The following NIPAL3 variants were observed in gnomAD, a reference collection of about 807,000 sequenced individuals.
The protein encoded by NIPAL3 is NIPA-like protein 3.
A neutral mutation model predicts 47.2 loss-of-function variants in NIPAL3; 41 were observed. The ratio of observed to expected loss-of-function variants is 0.87; its 90% CI spans 0.68 to 1.13. The LOEUF is 1.13. Ranked by LOEUF, NIPAL3 falls within the 50% of genes most tolerant of loss-of-function variation. The pLI, the probability that NIPAL3 is intolerant of heterozygous loss-of-function variation, is 0.00. For synonymous variants in NIPAL3, 194 were observed against 209.6 expected, an observed-to-expected ratio of 0.93 and a Z score of 0.64; for missense variants, 449 against 530.1, an observed-to-expected ratio of 0.85 and a Z score of 1.50.
chr1:24,457,813 A>G (rs898363277), intron 8 of NIPAL3: 1 of 533,244 alleles, frequency 1.9e-6, no homozygotes, highest in African/African-American at 1.9e-5. Flanking sequence ...TCTTATGAGA[A>G]TGTCTCTAGG....
rs1185110305 is a variant in NIPAL3 at position 24,445,190 on chromosome 1, G to A, written c.340G>A (p.Ala114Thr). ...CTTTGTGCTTCATTTTTCAGCTAGT[G>A]CCATCATAGGAATCATATTCATCAA... ...PLSAVSVIAS[A>T]IIGIIFIKEK... is the part of the protein sequence containing the mutation. The change falls in exon 5 of 12, where the codon GCC becomes ACC. Residue 114 changes from alanine (A) to threonine (T), a missense_variant. Transcript: ENST00000374399. 1.9e-6 allele frequency: 3 copies of A among 1,610,266 alleles called. No homozygotes were observed. Among genetic ancestry groups the A allele is most frequent in the Non-Finnish European group, 2.5e-6 (3 of 1,176,702 alleles).
At position 24,442,134 on chromosome 1, in the gene NIPAL3, TC is replaced by T. The variant is rs776027743; in HGVS notation, c.244del (p.Leu82Ter). On this transcript the variant is annotated frameshift_variant, in exon 4 of 12. Transcript: ENST00000374399. LOFTEE classifies it high-confidence loss of function. ...ACCAAGACATGGTGGCTGGGCCTGT[TC>T]CTGATGCTTCTGGGCGAGCTGGGTG... Reference protein sequence around the residue: ...FKTKTWWLGLFLMLLGELGVF... With the variant: ...FKTKTWWLGLXLMLLGELGVF... The T allele has an allele frequency of 6.2e-7, 1 of 1,614,238 alleles. No homozygotes were observed. The highest frequency in any genetic ancestry group is 8.5e-7 in the Non-Finnish European group (1 of 1,180,032).
At chr1:24,468,915 G>T in intron 11 of NIPAL3, 71 bp from the exon 12 acceptor site, 2 of 1,376,430 alleles carry the variant, frequency 1.5e-6, no homozygotes, top group Non-Finnish European at 2.1e-6. Flanking sequence ...TCTGTGGCGG[G>T]ATAGAGGGAG....
At chr1:24,460,413 C>T (rs1646415038) in intron 9 of NIPAL3, 68 bp from the exon 10 acceptor site, 6 of 1,333,378 alleles carry the variant, frequency 4.5e-6, no homozygotes, top group Non-Finnish European at 6.3e-6. Flanking sequence ...TAGCCAAATC[C>T]TAGACAGACT....
rs59007633 is a variant in NIPAL3, at chr1:24,465,425, G to GTATATATA, written c.1021+1316_1021+1323dup. ...TATATCAATATCAGTATTTGTGTGT[G>GTATATATA]TATATATATATATATATAGATGTAT... is the stretch of plus-strand genomic sequence containing the variant. On this transcript the variant is annotated intron_variant, in intron 11 of 11. Coordinates refer to ENST00000374399, the MANE Select transcript of NIPAL3 (RefSeq NM_020448.5). 440 of 149,252 alleles carry GTATATATA rather than the reference G, an allele frequency of 2.9e-3. 2 individuals are homozygous for GTATATATA. The highest frequency in any genetic ancestry group is 8.6e-3 in the African/African-American group (350 of 40,918). The allele number at this position is 149,252 out of a possible 1,614,324, so 9.2% of individuals were successfully genotyped here. A position where few individuals can be genotyped will look rare whatever the true frequency, so the allele number is the denominator to read the frequency against.
chr1:24,456,381 A>T, intron 8 of NIPAL3, 108 bp downstream of exon 8: 1 of 1,451,066 alleles, frequency 6.9e-7, no homozygotes, highest in Non-Finnish European at 9.5e-7. Context: ...AACATGCCCC[A>T]GGGCCTGGCA....
At chr1:24,466,612 A>G (rs1381370235) in intron 11 of NIPAL3, among the ~76,000 whole-genome samples, 1 of 152,084 alleles carries the variant, frequency 6.6e-6, no homozygotes, top group Non-Finnish European at 1.5e-5. Context: ...CAACCCCACA[A>G]TAACTCCTTT....
Position 24,470,752 on chromosome 1 carries a change from G to A in NIPAL3, c.*1567G>A, listed in dbSNP as rs1646875211. The A allele has an allele frequency of 6.6e-6, 1 of 152,142 alleles. No individual in the cohort carries two copies. The highest frequency in any genetic ancestry group is 2.4e-5 in the African/African-American group (1 of 41,436). 9.4% of individuals were successfully genotyped at this position (152,142 alleles called of 1,614,324 possible). On this transcript the variant is annotated 3_prime_UTR_variant, in exon 12 of 12. Transcript: ENST00000374399. ...GTGCTTAATACTGATTTAGTATCTT[G>A]ACTCCAAAAACTGACATCTGTTGTC...
In NIPAL3 at chr1:24,469,276, T is replaced by C. The variant is rs1357029660; in HGVS notation, c.*91T>C. The C allele has an allele frequency of 9.3e-7, 1 of 1,072,104 alleles. No homozygotes were observed. The highest frequency in any genetic ancestry group is 1.3e-6 in the Non-Finnish European group (1 of 752,586). 66.4% of individuals were successfully genotyped at this position (1,072,104 alleles called of 1,614,324 possible). ...AACTTGCCTTTCAAGTCTCATTTTG[T>C]TTCTAACTGAGAACTCTATGGATGA... On this transcript the variant is annotated 3_prime_UTR_variant, in exon 12 of 12. Transcript: ENST00000374399.
At chr1:24,457,544 C>T (rs1646272022) in intron 8 of NIPAL3, among the ~76,000 whole-genome samples, 1 of 152,236 alleles carries the variant, frequency 6.6e-6, no homozygotes. Flanking sequence ...TTTCTCAGTG[C>T]TTTATGGAAC....
chr1:24,462,136 G>A (rs1646499144), intron 10 of NIPAL3, among the ~76,000 whole-genome samples: 1 of 152,150 alleles, frequency 6.6e-6, no homozygotes, highest in South Asian at 2.1e-4. Context: ...GCCAAGCAAA[G>A]GGGGAAAAGC....
chr1:24,452,853 ATT>A (rs3054551), intron 6 of NIPAL3, among the ~76,000 whole-genome samples: 5 of 124,208 alleles, frequency 4.0e-5, no homozygotes, highest in Non-Finnish European at 3.3e-5. Context: ...CGCCCAGCTA[ATT>A]TTTTTTTTTT....
At chr1:24,417,294 G>A (rs1186560878) in intron 1 of NIPAL3, among the ~76,000 whole-genome samples, 4 of 152,218 alleles carry the variant, frequency 2.6e-5, no homozygotes, top group South Asian at 2.1e-4. Context: ...AGGGTATTCC[G>A]CAAACACCTC....
chr1:24,441,156 T>C (rs1414206246), intron 3 of NIPAL3, among the ~76,000 whole-genome samples: 5 of 152,184 alleles, frequency 3.3e-5, no homozygotes. Context: ...ACTGCCCAGC[T>C]TCTGCCTGCA....
chr1:24,456,264 A>G lies in NIPAL3; in HGVS notation c.764A>G (p.Tyr255Cys), dbSNP rs1335117655. ...GTGTGCATGGTGGCAACCGCCGTCT[A>G]TCAGGCTGCGTGAGTTACAAATCCT... is the stretch of plus-strand genomic sequence containing the variant. ...MFVCMVATAV[Y>C]QAAFLSQASQ... Residue 255 changes from tyrosine (Y) to cysteine (C), a missense_variant, in exon 8 of 12, where the codon TAT becomes TGT. Transcript: ENST00000374399. The G allele has an allele frequency of 1.9e-6, 3 of 1,614,218 alleles. No individual in the cohort carries two copies. The highest frequency in any genetic ancestry group is 1.1e-5 in the South Asian group (1 of 91,086).
intron 2 of NIPAL3, among the ~76,000 whole-genome samples, chr1:24,434,148 A>T (rs887937885): frequency 6.6e-6 from 1 of 152,208 alleles, no homozygotes; most frequent in African/African-American, 2.4e-5. Flanking sequence ...AAAGGCAGAG[A>T]TTGGCAGAAT....
chr1:24,420,813 C>T (rs1012170571), intron 2 of NIPAL3, among the ~76,000 whole-genome samples: 1 of 152,144 alleles, frequency 6.6e-6, no homozygotes, highest in African/African-American at 2.4e-5. Context: ...TGTCTCTAAT[C>T]TGGAGTGGCT....
At chr1:24,467,716 T>C (rs1646757955) in intron 11 of NIPAL3, among the ~76,000 whole-genome samples, 1 of 152,154 alleles carries the variant, frequency 6.6e-6, no homozygotes, top group African/African-American at 2.4e-5. Flanking sequence ...TTGCTATTGT[T>C]GTTACTGTTA....
chr1:24,425,366 A>G (rs780451677), intron 2 of NIPAL3, among the ~76,000 whole-genome samples: 23 of 152,214 alleles, frequency 1.5e-4, no homozygotes, highest in Non-Finnish European at 2.9e-4. Context: ...AGCATATTTT[A>G]TGTGTTACCC....
Sources: allele counts gnomAD v4.1 joint callset (sites outside exome capture counted in the v4.1 genomes callset), GRCh38; gene constraint gnomAD v4.1.1; transcripts MANE v1.5; gene names NCBI Gene and HGNC (gene_info 2026-07-23, HGNC 2026-07-21).